The following SRGAP2C variants were observed in gnomAD, a reference collection of about 807,000 sequenced individuals.
SRGAP2C encodes SLIT-ROBO Rho GTPase activating protein 2C.
A neutral mutation model predicts 25.1 loss-of-function variants in SRGAP2C; 15 were observed. The observed-to-expected ratio is 0.60, with a 90% CI of 0.40 to 0.92. SRGAP2C has a LOEUF of 0.92. Ranked by LOEUF, SRGAP2C falls within the 40% of genes least tolerant of loss-of-function variation. The probability of loss-of-function intolerance (pLI) is 0.00; values close to 1 mark genes in which losing one functional copy is unlikely to be tolerated. For synonymous variants in SRGAP2C, 44 were observed against 96.6 expected (o/e 0.46, Z 3.19); for missense variants, 144 against 264.4 (o/e 0.54, Z 3.16).
intron 2 of SRGAP2C, among the ~76,000 whole-genome samples, chr1:121,266,400 A>T (rs1277306625): frequency 6.6e-6 from 1 of 151,650 alleles, no homozygotes; most frequent in African/African-American, 2.4e-5. Context: ...TTGCAAAACC[A>T]CCATGGCCTA....
intron 4 of SRGAP2C, among the ~76,000 whole-genome samples, chr1:121,348,492 T>G: frequency 6.6e-6 from 1 of 152,078 alleles, no homozygotes; most frequent in East Asian, 1.9e-4. Context: ...ATTTTTATAG[T>G]TCTGCTTGTA....
At chr1:121,284,746 G>A in intron 2 of SRGAP2C, 57 bp from the exon 3 acceptor site, 1 of 463,918 alleles carries the variant, frequency 2.2e-6, no homozygotes, top group Non-Finnish European at 3.6e-6. Context: ...ATATTGGCAT[G>A]CATGGTGGTT....
rs2101624886 is a variant in SRGAP2C, at chr1:121,341,312, AC to A, written c.423+16673del. Among the ~76,000 whole-genome samples the A allele has an allele frequency of 4.7e-5, 4 of 85,446 alleles. 2 individuals are homozygous for A. In the East Asian group the frequency reaches 2.5e-3, roughly 53 times the overall value. 56.1% of individuals were successfully genotyped at this position (85,446 alleles called of 152,430 possible). On this transcript the variant is annotated intron_variant, in intron 4 of 9. Transcript: ENST00000367123. ...CCATGTTCCAGGCACTGTGCTGGGC[AC>A]TGGAATATAGCAGATAACAAAAAGT...
intron 3 of SRGAP2C, among the ~76,000 whole-genome samples, chr1:121,309,496 A>T (rs1157606513): frequency 6.8e-6 from 1 of 146,786 alleles, no homozygotes; most frequent in East Asian, 2.1e-4. Context: ...ATATGTATAC[A>T]TGTGCCATGC....
At chr1:121,296,366 T>C (rs1439926674) in intron 3 of SRGAP2C, among the ~76,000 whole-genome samples, 27 of 138,378 alleles carry the variant, frequency 2.0e-4, no homozygotes, top group East Asian at 1.8e-3. Flanking sequence ...GATACTCAGA[T>C]TACAGAGTGT....
At chr1:121,297,694 C>A (rs1293082269) in intron 3 of SRGAP2C, among the ~76,000 whole-genome samples, 1 of 143,762 alleles carries the variant, frequency 7.0e-6, no homozygotes, top group Admixed American at 7.1e-5. Context: ...TTCTGGGAAC[C>A]AGATTTCCTG....
chr1:121,271,115 G>T (rs1427496520), intron 2 of SRGAP2C, among the ~76,000 whole-genome samples: 2 of 150,846 alleles, frequency 1.3e-5, no homozygotes, highest in Non-Finnish European at 3.0e-5. Context: ...TTTTTTTTTG[G>T]TGTTTTGTTT....
chr1:121,260,199 C>G (rs1390705825), intron 2 of SRGAP2C, among the ~76,000 whole-genome samples: 4 of 148,952 alleles, frequency 2.7e-5, no homozygotes, highest in Non-Finnish European at 6.0e-5. Flanking sequence ...GGGTAGGGAG[C>G]TTTTAGATGA....
At chr1:121,288,313 C>A (rs1657419671) in intron 3 of SRGAP2C, among the ~76,000 whole-genome samples, 1 of 141,458 alleles carries the variant, frequency 7.1e-6, no homozygotes, top group South Asian at 2.3e-4. Context: ...GAGCTAAACA[C>A]AGGGTGCTGA....
At chr1:121,375,869 C>A (rs1251553175) in intron 7 of SRGAP2C, among the ~76,000 whole-genome samples, 1 of 151,556 alleles carries the variant, frequency 6.6e-6, no homozygotes, top group African/African-American at 2.4e-5. Flanking sequence ...GGTTATGCTG[C>A]AAATTAGGGT....
intron 7 of SRGAP2C, among the ~76,000 whole-genome samples, chr1:121,378,501 C>A (rs1484118941): frequency 6.6e-6 from 1 of 150,564 alleles, no homozygotes; most frequent in South Asian, 2.1e-4. Context: ...CATCTTTTGC[C>A]AACATGATGT....
At chr1:121,205,877 G>GA (rs1220759938) in intron 2 of SRGAP2C, among the ~76,000 whole-genome samples, 23 of 89,712 alleles carry the variant, frequency 2.6e-4, no homozygotes, top group African/African-American at 8.6e-4. Context: ...AAACCATGGA[G>GA]AAAAAAAGCC....
Position 121,364,605 on chromosome 1 carries a change from C to T in SRGAP2C, c.424-688C>T, listed in dbSNP as rs1451917036. Among the ~76,000 whole-genome samples the T allele has an allele frequency of 8.8e-5, 5 of 56,662 alleles. 1 individual carries two copies. Among genetic ancestry groups the T allele is most frequent in the Admixed American group, 4.4e-4 (2 of 4,570 alleles). The allele number at this position is 56,662 out of a possible 152,430, so 37.2% of individuals were successfully genotyped here. ...TGCTGGGATTACAGGTGTGAGCCAC[C>T]GTGCCCAGCCCTCATTCTTTATTTC... On this transcript the variant is annotated intron_variant, in intron 4 of 9. Coordinates refer to ENST00000367123, the MANE Select transcript of SRGAP2C (RefSeq NM_001329984.2).
intron 2 of SRGAP2C, among the ~76,000 whole-genome samples, chr1:121,229,040 T>A (rs1655752816): frequency 6.8e-6 from 1 of 148,056 alleles, no homozygotes. Flanking sequence ...CTCCTTCACA[T>A]TGAGGGGAGA....
In SRGAP2C at chr1:121,272,200, C is replaced by G. The variant is rs1250476478; in HGVS notation, c.68-12603C>G. 7.7e-5 allele frequency among the ~76,000 whole-genome samples: 9 copies of G among 117,110 alleles called. No individual in the cohort carries two copies. In the East Asian group the frequency reaches 1.3e-3, roughly 17 times the overall value. The allele number at this position is 117,110 out of a possible 152,430, so 76.8% of individuals were successfully genotyped here. ...AAAAGAAGAAGAAATGTATGTAGTG[C>G]TTACAGTATAATGTACCAGGAATTA... is the stretch of plus-strand genomic sequence containing the variant. On this transcript the variant is annotated intron_variant, in intron 2 of 9. Coordinates refer to ENST00000367123, the MANE Select transcript of SRGAP2C (RefSeq NM_001329984.2).
At chr1:121,363,942 A>T (rs1553349049) in intron 4 of SRGAP2C, among the ~76,000 whole-genome samples, 1 of 152,126 alleles carries the variant, frequency 6.6e-6, no homozygotes, top group African/African-American at 2.4e-5. Context: ...TTTCCTTATT[A>T]TAATAAATAT....
intron 2 of SRGAP2C, among the ~76,000 whole-genome samples, chr1:121,237,646 A>T (rs1256660207): frequency 1.3e-5 from 2 of 152,072 alleles, no homozygotes; most frequent in African/African-American, 4.8e-5. Flanking sequence ...TGACTCTGGA[A>T]CCCATTACCC....
intron 2 of SRGAP2C, among the ~76,000 whole-genome samples, chr1:121,208,524 A>G: frequency 6.6e-6 from 1 of 152,342 alleles, no homozygotes; most frequent in Non-Finnish European, 1.5e-5. Context: ...AATGATAAAT[A>G]GCAAGTCTGC....
chr1:121,221,778 A>T (rs1222474617), intron 2 of SRGAP2C, among the ~76,000 whole-genome samples: 3 of 137,470 alleles, frequency 2.2e-5, no homozygotes, highest in Non-Finnish European at 4.6e-5. Flanking sequence ...TGAACTGTGT[A>T]GAGTTGGCCA....
Sources: gnomAD v4.1 joint callset for allele counts (sites outside exome capture counted in the v4.1 genomes callset) on GRCh38, gnomAD v4.1.1 for gene constraint, MANE v1.5 for transcripts, NCBI Gene and HGNC (gene_info 2026-07-23, HGNC 2026-07-21) for gene names.